ZFC3H1: variants seen among roughly 807,000 people sequenced by gnomAD.
The protein encoded by ZFC3H1 is zinc finger C3H1 domain-containing protein.
A neutral mutation model predicts 243.7 loss-of-function variants in ZFC3H1; 71 were observed. The observed-to-expected ratio is 0.29, with a 90% CI of 0.24 to 0.36. The LOEUF is 0.36. Ranked by LOEUF, ZFC3H1 falls within the 10% of genes least tolerant of loss-of-function variation. The probability of loss-of-function intolerance (pLI) is 1.00; values close to 1 mark genes in which losing one functional copy is unlikely to be tolerated. For missense variants in ZFC3H1, 1,966 were observed against 2,317.1 expected (o/e 0.85, Z 3.11); for synonymous variants, 838 against 813.0 (o/e 1.03, Z -0.52).
At chr12:71,641,451 T>C (rs180870184) in intron 6 of ZFC3H1, among the ~76,000 whole-genome samples, 1 of 152,234 alleles carries the variant, frequency 6.6e-6, no homozygotes. Context: ...TGATCATGTG[T>C]TCTTCCAAAT....
intron 6 of ZFC3H1, among the ~76,000 whole-genome samples, chr12:71,640,001 T>A (rs1336460034): frequency 6.6e-6 from 1 of 151,956 alleles, no homozygotes; most frequent in Admixed American, 6.6e-5. Flanking sequence ...GTGCTCTTGA[T>A]TCTGTGTCAA....
chr12:71,658,593 G>A (rs1236778493), intron 1 of ZFC3H1, among the ~76,000 whole-genome samples: 1 of 151,954 alleles, frequency 6.6e-6, no homozygotes, highest in East Asian at 1.9e-4. Context: ...CCAGCCTATA[G>A]ATTATTTTCA....
rs751183830 is a variant in ZFC3H1, at chr12:71,620,327, C to T, written c.4745-12G>A. On this transcript the variant is annotated splice_polypyrimidine_tract_variant and intron_variant, in intron 24 of 34. Transcript: ENST00000378743. ...AGCTTTCACTGCATCTACCCAAAAA[C>T]ATCACAACAACATGAATCACGTCAA... 3 of 1,612,966 alleles carry T rather than the reference C, an allele frequency of 1.9e-6. No individual in the cohort carries two copies. The East Asian group carries it at 6.7e-5, about 36-fold the overall frequency.
At chr12:71,631,071 A>G (rs1880310418) in intron 16 of ZFC3H1, 117 bp from the exon 17 acceptor site, 2 of 1,036,378 alleles carry the variant, frequency 1.9e-6, no homozygotes, top group Non-Finnish European at 2.6e-6. Context: ...TTTATGAGCT[A>G]TTTATCTAAT....
chr12:71,647,570 G>A (rs1162166648), intron 3 of ZFC3H1, among the ~76,000 whole-genome samples, 179 bp downstream of exon 3: 2 of 152,060 alleles, frequency 1.3e-5, no homozygotes, highest in Non-Finnish European at 2.9e-5. Context: ...AGAACCCAGG[G>A]AAAAGAGACT....
intron 11 of ZFC3H1, 142 bp downstream of exon 11, chr12:71,634,562 T>C: frequency 1.9e-6 from 2 of 1,059,494 alleles, no homozygotes; most frequent in Non-Finnish European, 2.6e-6. Context: ...TCCAGCACCA[T>C]CTTCTGTGTG....
chr12:71,625,711 C>T (rs1407399615), intron 22 of ZFC3H1, among the ~76,000 whole-genome samples: 3 of 152,056 alleles, frequency 2.0e-5, no homozygotes, highest in African/African-American at 4.8e-5. Context: ...GCCAAAAAAA[C>T]CATCTCATTC....
At chr12:71,647,714 TAC>T (rs765058056) in intron 3 of ZFC3H1, 33 bp downstream of exon 3, 9 of 1,238,574 alleles carry the variant, frequency 7.3e-6, no homozygotes, top group African/African-American at 3.1e-5. Context: ...AAATGGGTCT[TAC>T]AGAGATGATA....
At position 71,632,464 on chromosome 12, in the gene ZFC3H1, C is replaced by T. The variant is rs775478623; in HGVS notation, c.2868G>A (p.Lys956=). The T allele has an allele frequency of 6.9e-6, 11 of 1,598,000 alleles. No homozygotes were observed. In the African/African-American group the frequency reaches 1.2e-4, roughly 18 times the overall value. Residue 956 remains lysine (K), a synonymous_variant, in exon 15 of 35, where the codon AAG becomes AAA. Transcript: ENST00000378743. ...CCATAGCAATTAGTTCTGCTGAATG[C>T]TTTCTTGGACTTGATACTGGAGAAC... The part of the protein sequence containing the change: ...LDSSPVSSPR[K]HSAELIAMEK...
Position 71,634,281 on chromosome 12 carries a change from T to C in ZFC3H1, c.2384A>G (p.Lys795Arg). 6.2e-7 allele frequency: 1 copy of C among 1,613,680 alleles called. No individual in the cohort carries two copies. The highest frequency in any genetic ancestry group is 1.1e-5 in the South Asian group (1 of 90,940). The part of the protein sequence containing the change: ...IANREKQRLI[K>R]SDQLKTSSSS... ...TGAACTTGTCTTCAGCTGATCTGAT[T>C]TAATCAAACGCTGTTTCTCACGGCT... Residue 795 changes from lysine to arginine, a missense_variant, in exon 12 of 35, where the codon AAA becomes AGA. This residue lies in a region of ZFC3H1 where 1,383 missense variants were observed against 1,723.7 expected (regional missense o/e 0.80). Coordinates refer to ENST00000378743, the MANE Select transcript of ZFC3H1 (RefSeq NM_144982.5).
intron 6 of ZFC3H1, among the ~76,000 whole-genome samples, chr12:71,641,296 G>A (rs17110075): frequency 0.018 from 2,763 of 152,226 alleles, 71 homozygotes; most frequent in African/African-American, 0.062. Context: ...TCAAACACCA[G>A]CTTAAAGTAA....
At chr12:71,611,247 A>G in intron 32 of ZFC3H1, 150 bp from the exon 33 acceptor site, 1 of 734,450 alleles carries the variant, frequency 1.4e-6, no homozygotes, top group East Asian at 3.3e-5. Context: ...TAAACTTCCA[A>G]GGAGGAAAAC....
chr12:71,633,297 A>G lies in ZFC3H1; in HGVS notation c.2652T>C (p.Val884=), dbSNP rs1434428902. ...QLQATEKILN[V]NRMFLKKLQE... is the part of the protein sequence containing the mutation. The stretch of plus-strand genomic sequence containing the variant: ...GAAGCTTCTTCAAAAACATTCTGTT[A>G]ACATTAAGAATTTTTTCAGTTGCTT... Residue 884 remains valine, a synonymous_variant, in exon 13 of 35, where the codon GTT becomes GTC. Transcript: ENST00000378743. 2 of 1,592,876 alleles carry G rather than the reference A, an allele frequency of 1.3e-6. No individual in the cohort carries two copies. Among genetic ancestry groups the G allele is most frequent in the Non-Finnish European group, 1.7e-6 (2 of 1,172,890 alleles).
intron 24 of ZFC3H1, among the ~76,000 whole-genome samples, chr12:71,621,878 C>CT (rs1180462970): frequency 1.3e-5 from 2 of 151,196 alleles, no homozygotes; most frequent in African/African-American, 4.9e-5. Context: ...TACCAGAATA[C>CT]TTTTCTTGTA....
Position 71,627,808 on chromosome 12 carries a change from G to A in ZFC3H1, c.4073C>T (p.Pro1358Leu), listed in dbSNP as rs1271365888. ...ANLEASVLEN[P>L]SHVQLWLKLA... ...CTTGAGCCAAAGTTGTACATGAGAA[G>A]GATTTTCAAGCACACTTGCTTCTAA... The change falls in exon 21 of 35, where the codon CCT becomes CTT. Residue 1358 changes from proline (P) to leucine (L), a missense_variant. By Grantham distance (98) the Pro-to-Leu change is moderately conservative (BLOSUM62 -3). Transcript: ENST00000378743. 16 of 1,613,624 alleles carry A rather than the reference G, an allele frequency of 9.9e-6. No individual in the cohort carries two copies. Among genetic ancestry groups the A allele is most frequent in the Non-Finnish European group, 1.2e-5 (14 of 1,179,872 alleles).
chr12:71,648,868 T>C (rs1316252401), intron 2 of ZFC3H1, among the ~76,000 whole-genome samples: 1 of 151,918 alleles, frequency 6.6e-6, no homozygotes, highest in African/African-American at 2.4e-5. Flanking sequence ...GGCGGGTGGA[T>C]CACCTGAGGT....
intron 1 of ZFC3H1, among the ~76,000 whole-genome samples, chr12:71,660,066 G>T (rs567643278): frequency 6.6e-6 from 1 of 152,124 alleles, no homozygotes; most frequent in Admixed American, 6.5e-5. Flanking sequence ...TACAGTGAAA[G>T]GAGTTATGGC....
intron 28 of ZFC3H1, 106 bp downstream of exon 28, chr12:71,615,100 T>C (rs1328177742): frequency 1.7e-6 from 2 of 1,161,288 alleles, no homozygotes; most frequent in Non-Finnish European, 2.5e-6. Flanking sequence ...CAATTGTGCT[T>C]CAATGACTTT....
intron 3 of ZFC3H1, among the ~76,000 whole-genome samples, chr12:71,645,571 T>C (rs1880708705): frequency 6.6e-6 from 1 of 152,182 alleles, no homozygotes; most frequent in Non-Finnish European, 1.5e-5. Flanking sequence ...TTCTTTTATG[T>C]GTATATTTTT....
Sources: allele counts gnomAD v4.1 joint callset (sites outside exome capture counted in the v4.1 genomes callset), GRCh38; gene constraint gnomAD v4.1.1; regional missense constraint gnomAD v4.1.1; transcripts MANE v1.5; gene names NCBI Gene and HGNC (gene_info 2026-07-23, HGNC 2026-07-21).